KAZN: variants seen among roughly 807,000 people sequenced by gnomAD.
The protein encoded by KAZN is kazrin, periplakin interacting protein, also known as kazrin.
In KAZN, 40 loss-of-function variants were observed where a neutral mutation model predicts 87.4. That is an observed-to-expected ratio of 0.46 (90% CI 0.36 to 0.60). The LOEUF (loss-of-function observed/expected upper bound fraction) is 0.60, where lower values mean the gene tolerates loss of function less well. KAZN is among the 20% of genes least tolerant of loss of function. The pLI is 0.00. For missense variants in KAZN, 898 were observed against 1,073.9 expected, an observed-to-expected ratio of 0.84 and a Z score of 2.29; for synonymous variants, 466 against 458.3, an observed-to-expected ratio of 1.02 and a Z score of -0.22.
chr1:14,143,132 A>G (rs1315488935), intron 1 of KAZN, among the ~76,000 whole-genome samples: 2 of 152,176 alleles, frequency 1.3e-5, no homozygotes, highest in Non-Finnish European at 2.9e-5. Context: ...CAGGGCCAGG[A>G]AACATTGCTT....
At chr1:13,950,045 C>A (rs944454458) in intron 1 of KAZN, among the ~76,000 whole-genome samples, 4 of 152,234 alleles carry the variant, frequency 2.6e-5, no homozygotes, top group African/African-American at 9.6e-5. Flanking sequence ...CCTTGCTCTG[C>A]AGCCCCCTCT....
intron 2 of KAZN, among the ~76,000 whole-genome samples, chr1:14,520,763 C>T (rs1455762234): frequency 6.6e-6 from 1 of 152,200 alleles, no homozygotes; most frequent in Non-Finnish European, 1.5e-5. Flanking sequence ...CCAAACTCCC[C>T]CCAAACCTTA....
chr1:15,002,058 T>G (rs1668540292), intron 2 of KAZN, among the ~76,000 whole-genome samples: 1 of 151,912 alleles, frequency 6.6e-6, no homozygotes, highest in Non-Finnish European at 1.5e-5. Context: ...TTTTTTGTAT[T>G]TTTAGTAGAG....
At chr1:14,528,148 G>T (rs995110715) in intron 2 of KAZN, among the ~76,000 whole-genome samples, 3 of 151,544 alleles carry the variant, frequency 2.0e-5, no homozygotes, top group African/African-American at 7.3e-5. Flanking sequence ...TGTCAGCCTG[G>T]CCAACATGGT....
At chr1:14,037,027 C>T (rs551177378) in intron 1 of KAZN, among the ~76,000 whole-genome samples, 10 of 152,276 alleles carry the variant, frequency 6.6e-5, no homozygotes, top group African/African-American at 1.9e-4. Context: ...ATCTGCCCGC[C>T]TCAGCCTCCC....
intron 2 of KAZN, among the ~76,000 whole-genome samples, chr1:14,420,828 G>C (rs938405691): frequency 6.6e-6 from 1 of 150,420 alleles, no homozygotes; most frequent in Non-Finnish European, 1.5e-5. Context: ...ATCCCACCCA[G>C]AACTCAAGCT....
At chr1:14,608,120 G>A (rs1043398775) in intron 1 of KAZN, among the ~76,000 whole-genome samples, 7 of 152,334 alleles carry the variant, frequency 4.6e-5, no homozygotes, top group African/African-American at 7.2e-5. Flanking sequence ...AAATCTGCTC[G>A]CTTCGTTAAG....
chr1:14,750,155 C>T (rs1438997615), intron 1 of KAZN, among the ~76,000 whole-genome samples: 1 of 152,026 alleles, frequency 6.6e-6, no homozygotes, highest in Non-Finnish European at 1.5e-5. Context: ...CCTCTCTGGG[C>T]TATTTTGGCA....
At chr1:14,629,238 T>C (rs1444538350) in intron 1 of KAZN, among the ~76,000 whole-genome samples, 1 of 152,110 alleles carries the variant, frequency 6.6e-6, no homozygotes, top group Non-Finnish European at 1.5e-5. Context: ...AAGAAAGGTG[T>C]TGGGGTTGGC....
intron 1 of KAZN, among the ~76,000 whole-genome samples, chr1:14,719,658 G>A (rs533557229): frequency 6.6e-6 from 1 of 152,298 alleles, no homozygotes; most frequent in Admixed American, 6.5e-5. Flanking sequence ...GGCCAACATG[G>A]TGAAACTTTG....
In KAZN at chr1:15,101,787, G is replaced by A. The variant is rs767708600; in HGVS notation, c.1779+13G>A. The A allele has an allele frequency of 4.5e-6, 7 of 1,551,376 alleles. No homozygotes were observed. In the Admixed American group the frequency reaches 7.7e-5, roughly 17 times the overall value. ...CTTCAGCAGGGAGGTGAGGACCAGG[G>A]CACAGGGTGGGGGCACCTTCCACTG... On this transcript the variant is annotated intron_variant, in intron 11 of 14. Coordinates refer to ENST00000376030, the MANE Select transcript of KAZN (RefSeq NM_201628.3).
At position 14,956,096 on chromosome 1, in the gene KAZN, A is replaced by G. The variant is rs937343407; in HGVS notation, c.227-4588A>G. Among the ~76,000 whole-genome samples, 3 of 151,938 alleles carry G rather than the reference A, an allele frequency of 2.0e-5. No individual in the cohort carries two copies. The East Asian group carries it at 5.8e-4, about 29-fold the overall frequency. ...TTGTTTTGTTTTGCTTACTCTGGCA[A>G]CCCTAAGTGGGTGGCATCTGTGCAG... is the stretch of plus-strand genomic sequence containing the variant. On this transcript the variant is annotated intron_variant, in intron 1 of 14. Transcript: ENST00000376030.
At position 14,316,745 on chromosome 1, in the gene KAZN, T is replaced by C. The variant is rs1655681044; in HGVS notation, c.249+136153T>C. 2.6e-5 allele frequency among the ~76,000 whole-genome samples: 4 copies of C among 152,114 alleles called. No homozygotes were observed. In the South Asian group the frequency reaches 6.2e-4, roughly 24 times the overall value. On this transcript the variant is annotated intron_variant, in intron 2 of 16. Transcript: ENST00000636203. The stretch of plus-strand genomic sequence containing the variant: ...TGTTATGTTTTCATTTTTATTTAGT[T>C]CAAAATATTTCTCTAATTTCACACA...
At position 15,024,378 on chromosome 1, in the gene KAZN, G is replaced by GGA. The variant is rs1455614073; in HGVS notation, c.419-10368_419-10367dup. 9.2e-5 allele frequency among the ~76,000 whole-genome samples: 14 copies of GGA among 152,336 alleles called. No homozygotes were observed. The East Asian group carries it at 2.5e-3, about 27-fold the overall frequency. On this transcript the variant is annotated intron_variant, in intron 2 of 14. Coordinates refer to ENST00000376030, the MANE Select transcript of KAZN (RefSeq NM_201628.3). Reference sequence around the variant, plus strand: ...CCAGAGAGGATGGTGGGAAGGAAATGGAGACGGTGATACGGTCAACCCTTT... The same window carrying GGA: ...CCAGAGAGGATGGTGGGAAGGAAATGGAGAGACGGTGATACGGTCAACCCTTT...
intron 2 of KAZN, among the ~76,000 whole-genome samples, chr1:14,396,299 A>G (rs549019045): frequency 2.6e-5 from 4 of 152,066 alleles, no homozygotes; most frequent in Non-Finnish European, 5.9e-5. Context: ...CTCTAGGGGG[A>G]TCTGCAGGAA....
chr1:14,651,109 G>C (rs1464431207), intron 1 of KAZN, among the ~76,000 whole-genome samples: 2 of 152,190 alleles, frequency 1.3e-5, no homozygotes, highest in African/African-American at 4.8e-5. Context: ...CTCTCTAAAT[G>C]ACCAAATTAG....
At chr1:14,376,717 G>A (rs559669416) in intron 2 of KAZN, among the ~76,000 whole-genome samples, 11 of 152,026 alleles carry the variant, frequency 7.2e-5, no homozygotes, top group Non-Finnish European at 1.3e-4. Context: ...CATAACCTTG[G>A]GCAAATCATA....
chr1:14,507,895 A>G (rs77000068), intron 2 of KAZN, among the ~76,000 whole-genome samples: 4,849 of 151,952 alleles, frequency 0.032, 101 homozygotes, highest in Admixed American at 0.056. Context: ...TGAACCCGGG[A>G]GGTGGAGCTT....
intron 2 of KAZN, among the ~76,000 whole-genome samples, chr1:14,556,024 T>G (rs189190001): frequency 3.1e-4 from 47 of 152,308 alleles, no homozygotes; most frequent in African/African-American, 1.1e-3. Context: ...ATATGTTGTT[T>G]ACCTGAAACC....
Sources: allele counts gnomAD v4.1 joint callset (sites outside exome capture counted in the v4.1 genomes callset), GRCh38; gene constraint gnomAD v4.1.1; transcripts MANE v1.5; gene names NCBI Gene and HGNC (gene_info 2026-07-23, HGNC 2026-07-21).